Variants in SCAF8 observed in about 807,000 individuals in gnomAD.
SCAF8 encodes SR-related CTD associated factor 8, also known as SR-related and CTD-associated factor 8.
Under a neutral mutation model 140.5 loss-of-function variants are expected in SCAF8, and 23 were observed. The observed-to-expected ratio is 0.16, with a 90% CI of 0.12 to 0.23. The LOEUF (loss-of-function observed/expected upper bound fraction) is 0.23. SCAF8 is among the 10% of genes least tolerant of loss of function. The pLI, the probability that SCAF8 is intolerant of heterozygous loss-of-function variation, is 1.00. For missense variants in SCAF8, 1,397 were observed against 1,555.7 expected, an observed-to-expected ratio of 0.90 and a Z score of 1.72; for synonymous variants, 575 against 528.9, an observed-to-expected ratio of 1.09 and a Z score of -1.20.
chr6:154,784,120 G>GATATATATGTGTATAT (rs1554260630), intron 3 of SCAF8, among the ~76,000 whole-genome samples: 5 of 106,828 alleles, frequency 4.7e-5, no homozygotes, highest in Admixed American at 3.3e-4. Flanking sequence ...GGTGTCTTGA[G>GATATATATGTGTATAT]ATATATATAT....
intron 1 of SCAF8, among the ~76,000 whole-genome samples, chr6:154,736,473 C>T (rs759647707): frequency 7.3e-5 from 11 of 151,410 alleles, no homozygotes; most frequent in Non-Finnish European, 1.3e-4. Flanking sequence ...GGTTTCATCA[C>T]GTTGGCCAGG....
chr6:154,773,921 A>G, intron 1 of SCAF8, 68 bp from the exon 2 acceptor site: 1 of 961,390 alleles, frequency 1.0e-6, no homozygotes, highest in Non-Finnish European at 1.7e-6. Context: ...AAAAATGAAC[A>G]TGTTTGGTAG....
At chr6:154,790,875 T>G in intron 4 of SCAF8, among the ~76,000 whole-genome samples, 1 of 152,264 alleles carries the variant, frequency 6.6e-6, no homozygotes, top group African/African-American at 2.4e-5. Flanking sequence ...GGCATCACGA[T>G]AGTAGTAACT....
chr6:154,803,756 T>C, intron 8 of SCAF8, 133 bp downstream of exon 8: 2 of 622,314 alleles, frequency 3.2e-6, no homozygotes, highest in Admixed American at 5.9e-5. Flanking sequence ...ACAAAGGTGG[T>C]AGAGATATGT....
intron 1 of SCAF8, among the ~76,000 whole-genome samples, chr6:154,765,598 G>A (rs993476114): frequency 6.6e-6 from 1 of 152,146 alleles, no homozygotes; most frequent in Non-Finnish European, 1.5e-5. Context: ...AAGATCCCTA[G>A]AAGCCAAGGA....
intron 1 of SCAF8, among the ~76,000 whole-genome samples, chr6:154,755,821 C>CA (rs1475203667): frequency 2.0e-5 from 3 of 152,156 alleles, no homozygotes; most frequent in African/African-American, 7.2e-5. Context: ...TTTAGGAACT[C>CA]AGTGATTTTG....
At chr6:154,741,046 C>T (rs1020516041) in intron 1 of SCAF8, among the ~76,000 whole-genome samples, 1 of 152,106 alleles carries the variant, frequency 6.6e-6, no homozygotes, top group Non-Finnish European at 1.5e-5. Context: ...GGAACTAGTC[C>T]ATTGAAGATT....
At chr6:154,740,541 T>A (rs1322833114) in intron 1 of SCAF8, among the ~76,000 whole-genome samples, 1 of 152,226 alleles carries the variant, frequency 6.6e-6, no homozygotes, top group Non-Finnish European at 1.5e-5. Flanking sequence ...GTATTTCCTT[T>A]GTTTCATGTC....
intron 19 of SCAF8, among the ~76,000 whole-genome samples, chr6:154,831,703 TAAAAAAA>T (rs58013583): frequency 7.5e-4 from 36 of 48,080 alleles, no homozygotes; most frequent in African/African-American, 1.1e-3. Context: ...CTCCTGTTCT[TAAAAAAA>T]AAAAAAAAAA....
intron 9 of SCAF8, among the ~76,000 whole-genome samples, chr6:154,807,035 T>C (rs1310025650): frequency 6.6e-6 from 1 of 152,254 alleles, no homozygotes; most frequent in Non-Finnish European, 1.5e-5. Flanking sequence ...GCTATAAATG[T>C]AACACTTTGT....
chr6:154,738,345 A>G (rs1049588612), intron 1 of SCAF8, among the ~76,000 whole-genome samples: 1 of 152,202 alleles, frequency 6.6e-6, no homozygotes, highest in Non-Finnish European at 1.5e-5. Flanking sequence ...TAATTTCTCA[A>G]AGGAGTTGAC....
rs1032760135 is a variant in SCAF8, at chr6:154,833,893, A to G, written c.*498A>G. On this transcript the variant is annotated 3_prime_UTR_variant, in exon 20 of 20. Transcript: ENST00000367178. The stretch of plus-strand genomic sequence containing the variant: ...AGAGATTTTAAAAAGTGATTTTGTA[A>G]AATCTACACTACGGTCTCTGTTTCT... 1.3e-5 allele frequency: 2 copies of G among 152,898 alleles called. No homozygotes were observed. Among genetic ancestry groups the G allele is most frequent in the African/African-American group, 4.8e-5 (2 of 41,446 alleles). The allele number at this position is 152,898 out of a possible 1,614,324, so 9.5% of individuals were successfully genotyped here.
intron 9 of SCAF8, among the ~76,000 whole-genome samples, chr6:154,805,960 G>A (rs962252095): frequency 2.6e-5 from 4 of 152,106 alleles, no homozygotes; most frequent in African/African-American, 9.7e-5. Flanking sequence ...AGCTTTATTA[G>A]GTATGTGGTA....
At chr6:154,791,978 T>A (rs1777433360) in intron 4 of SCAF8, among the ~76,000 whole-genome samples, 1 of 151,934 alleles carries the variant, frequency 6.6e-6, no homozygotes, top group African/African-American at 2.4e-5. Context: ...AAAGTCTGCT[T>A]GCCAGTGGCA....
At chr6:154,822,488 C>G in intron 16 of SCAF8, 79 bp downstream of exon 16, 1 of 1,379,694 alleles carries the variant, frequency 7.2e-7, no homozygotes, top group Non-Finnish European at 9.9e-7. Flanking sequence ...CTTTATAAAA[C>G]CGGAATGAAA....
At chr6:154,751,387 C>T (rs1333022384) in intron 1 of SCAF8, among the ~76,000 whole-genome samples, 4 of 152,132 alleles carry the variant, frequency 2.6e-5, no homozygotes, top group Non-Finnish European at 4.4e-5. Flanking sequence ...CGCCACCCTG[C>T]CTGGCTAATT....
intron 16 of SCAF8, 115 bp downstream of exon 16, chr6:154,822,524 T>A: frequency 9.3e-7 from 1 of 1,071,434 alleles, no homozygotes; most frequent in South Asian, 2.0e-5. Flanking sequence ...TAAATGTTTG[T>A]CAGTAGTGTT....
In SCAF8 at chr6:154,834,173, G is replaced by C. The variant is rs1583079255; in HGVS notation, c.*778G>C. ...TTCTATCATAACAACAATGAACTAT[G>C]TGGTGGAAAAAGCATGTACTTTGAT... On this transcript the variant is annotated 3_prime_UTR_variant, in exon 20 of 20. Coordinates refer to ENST00000367178, the MANE Select transcript of SCAF8 (RefSeq NM_014892.5). The C allele has an allele frequency of 6.6e-6, 1 of 152,134 alleles. No individual in the cohort carries two copies. The highest frequency in any genetic ancestry group is 2.4e-5 in the African/African-American group (1 of 41,438). The allele number at this position is 152,134 out of a possible 1,614,324, so 9.4% of individuals were successfully genotyped here. A position where few individuals can be genotyped will look rare whatever the true frequency, so the allele number is the denominator to read the frequency against.
intron 1 of SCAF8, among the ~76,000 whole-genome samples, chr6:154,763,161 C>T (rs149645797): frequency 2.6e-5 from 4 of 152,296 alleles, no homozygotes; most frequent in African/African-American, 7.2e-5. Context: ...TTTCTCCCCT[C>T]CTCATTCTGC....
Sources: allele counts gnomAD v4.1 joint callset (sites outside exome capture counted in the v4.1 genomes callset), GRCh38; gene constraint gnomAD v4.1.1; transcripts MANE v1.5; gene names NCBI Gene and HGNC (gene_info 2026-07-23, HGNC 2026-07-21).